ACOXL: variants seen among roughly 807,000 people sequenced by gnomAD.
ACOXL encodes the protein acyl-coenzyme A oxidase-like protein.
In ACOXL, 70 loss-of-function variants were observed where a neutral mutation model predicts 71.9. The observed-to-expected ratio is 0.97, with a 90% CI of 0.80 to 1.19. ACOXL has a LOEUF of 1.19. ACOXL is among the 50% of genes most tolerant of loss of function. The pLI is 0.00. For missense variants in ACOXL, 703 were observed against 736.3 expected, an observed-to-expected ratio of 0.95 and a Z score of 0.52; for synonymous variants, 253 against 281.6, an observed-to-expected ratio of 0.90 and a Z score of 1.02.
intron 11 of ACOXL, among the ~76,000 whole-genome samples, chr2:110,927,657 C>T (rs981435285): frequency 4.6e-5 from 7 of 152,228 alleles, no homozygotes; most frequent in Non-Finnish European, 8.8e-5. Flanking sequence ...TGTCATTGCA[C>T]TGTTACTTTT....
intron 12 of ACOXL, chr2:110,963,529 G>A: frequency 7.2e-7 from 1 of 1,396,678 alleles, no homozygotes; most frequent in Non-Finnish European, 9.4e-7. Flanking sequence ...TAAAGAAAAT[G>A]TGAGTCCTAT....
Position 110,805,305 on chromosome 2 carries a change from T to G in ACOXL, c.663T>G (p.Ile221Met), listed in dbSNP as rs1265814847. 6.2e-7 allele frequency: 1 copy of G among 1,614,186 alleles called. No homozygotes were observed. The highest frequency in any genetic ancestry group is 1.1e-5 in the South Asian group (1 of 91,080). Reference sequence around the variant, plus strand: ...CAGATGGACAGTACCATTCGCCTATTAGGAACAAGAGTGCAAGATTCAATG... The same window carrying G: ...CAGATGGACAGTACCATTCGCCTATGAGGAACAAGAGTGCAAGATTCAATG... ...VAPDGQYHSP[I>M]RNKSARFNAM... Residue 221 changes from isoleucine (I) to methionine (M), a missense_variant, in exon 9 of 18, where the codon ATT becomes ATG. Physicochemically the swap from Ile to Met is conservative, Grantham distance 10. Transcript: ENST00000439055.
intron 9 of ACOXL, among the ~76,000 whole-genome samples, chr2:110,832,266 C>T (rs571729311): frequency 3.2e-4 from 48 of 152,260 alleles, no homozygotes; most frequent in African/African-American, 5.1e-4. Flanking sequence ...AGGCCGGGCG[C>T]GGTGGCTCAC....
At chr2:110,813,923 A>T (rs1687627578) in intron 9 of ACOXL, among the ~76,000 whole-genome samples, 1 of 152,186 alleles carries the variant, frequency 6.6e-6, no homozygotes, top group Admixed American at 6.5e-5. Context: ...ATGTAGGAAG[A>T]TGTAACAGTT....
chr2:110,857,660 C>T (rs762508994), intron 10 of ACOXL, among the ~76,000 whole-genome samples: 2 of 152,128 alleles, frequency 1.3e-5, no homozygotes, highest in Non-Finnish European at 2.9e-5. Context: ...ACCCTATCCT[C>T]CCTTTTATCT....
chr2:110,762,676 G>A (rs550430077), intron 1 of ACOXL, among the ~76,000 whole-genome samples: 24 of 152,062 alleles, frequency 1.6e-4, no homozygotes, highest in African/African-American at 5.5e-4. Context: ...AAAAATTTGA[G>A]ACAGGGTCTC....
chr2:110,853,307 A>G (rs189830223), intron 10 of ACOXL, among the ~76,000 whole-genome samples: 159 of 152,272 alleles, frequency 1.0e-3, no homozygotes, highest in African/African-American at 3.6e-3. Context: ...TGCTCACAAC[A>G]AAGAATTATC....
chr2:110,736,041 T>C (rs1676793529), intron 1 of ACOXL, among the ~76,000 whole-genome samples: 1 of 152,180 alleles, frequency 6.6e-6, no homozygotes, highest in Non-Finnish European at 1.5e-5. Context: ...TCTTTCTCTT[T>C]GTCCCCTTCT....
chr2:110,925,853 C>CTTTTTTT (rs59794309), intron 11 of ACOXL, among the ~76,000 whole-genome samples: 2 of 121,018 alleles, frequency 1.7e-5, no homozygotes, highest in Non-Finnish European at 3.3e-5. Flanking sequence ...TTACTTCTAG[C>CTTTTTTT]TTTTTTTTTT....
intron 12 of ACOXL, among the ~76,000 whole-genome samples, chr2:110,950,319 G>A (rs138368066): frequency 6.6e-6 from 1 of 152,152 alleles, no homozygotes; most frequent in African/African-American, 2.4e-5. Flanking sequence ...AATTAGAGGG[G>A]GAAAGTAGCC....
intron 12 of ACOXL, chr2:110,967,819 T>A: frequency 1.1e-6 from 1 of 923,778 alleles, no homozygotes; most frequent in Non-Finnish European, 1.7e-6. Context: ...CGGATGTGGG[T>A]CTCTGTTTTG....
chr2:110,970,840 A>G (rs961955443), intron 12 of ACOXL, among the ~76,000 whole-genome samples: 8 of 152,234 alleles, frequency 5.3e-5, no homozygotes, highest in Non-Finnish European at 7.3e-5. Context: ...AATTACTTAA[A>G]TATAAAATGT....
chr2:110,734,784 C>T (rs1676629485), intron 1 of ACOXL, among the ~76,000 whole-genome samples: 1 of 151,966 alleles, frequency 6.6e-6, no homozygotes, highest in African/African-American at 2.4e-5. Context: ...AAGGGACTTC[C>T]TTGTGAATTC....
intron 16 of ACOXL, among the ~76,000 whole-genome samples, chr2:111,084,264 C>T (rs1574710726): frequency 3.4e-5 from 1 of 29,512 alleles, no homozygotes; most frequent in South Asian, 1.3e-3. Flanking sequence ...GGAATACACA[C>T]ACACACACAC....
chr2:110,741,628 C>T (rs1451079702), intron 1 of ACOXL, among the ~76,000 whole-genome samples: 2 of 152,178 alleles, frequency 1.3e-5, no homozygotes, highest in African/African-American at 4.8e-5. Context: ...ACTGGAAAGT[C>T]ATTTCTTGAG....
intron 5 of ACOXL, among the ~76,000 whole-genome samples, chr2:110,794,642 G>A (rs1012311295): frequency 1.3e-5 from 2 of 152,154 alleles, no homozygotes; most frequent in East Asian, 1.9e-4. Flanking sequence ...GTCCCTTACC[G>A]TGACCTGCAC....
chr2:110,850,119 G>T (rs935571591), intron 10 of ACOXL, among the ~76,000 whole-genome samples: 1 of 152,096 alleles, frequency 6.6e-6, no homozygotes, highest in African/African-American at 2.4e-5. Flanking sequence ...AACAAAGATG[G>T]ATCATGAACC....
chr2:110,806,090 T>C (rs1686603500), intron 9 of ACOXL, among the ~76,000 whole-genome samples: 1 of 152,238 alleles, frequency 6.6e-6, no homozygotes, highest in Admixed American at 6.5e-5. Flanking sequence ...GTCCAGCTTT[T>C]CCATGAAGAA....
At position 110,769,350 on chromosome 2, in the gene ACOXL, GA is replaced by G. The variant is rs1448458374; in HGVS notation, c.75+892del. ...GTTCATTCAGCTTCATGGTATATAG[GA>G]AAAAATATACCTCAGCAGGGTGTGG... is the stretch of plus-strand genomic sequence containing the variant. On this transcript the variant is annotated intron_variant, in intron 2 of 17. Coordinates refer to ENST00000439055, the MANE Select transcript of ACOXL (RefSeq NM_001142807.4). 2.0e-5 allele frequency among the ~76,000 whole-genome samples: 3 copies of G among 152,138 alleles called. No individual in the cohort carries two copies. The East Asian group carries it at 5.8e-4, about 29-fold the overall frequency.
Sources: gnomAD v4.1 joint callset for allele counts (sites outside exome capture counted in the v4.1 genomes callset) on GRCh38, gnomAD v4.1.1 for gene constraint, MANE v1.5 for transcripts, NCBI Gene and HGNC (gene_info 2026-07-23, HGNC 2026-07-21) for gene names.